CCDC149: variants seen among roughly 807,000 people sequenced by gnomAD.
CCDC149 encodes coiled-coil domain containing 149, also known as coiled-coil domain-containing protein 149.
A neutral mutation model predicts 59.9 loss-of-function variants in CCDC149; 45 were observed. The observed-to-expected ratio is 0.75, with a 90% confidence interval of 0.59 to 0.96. The LOEUF (loss-of-function observed/expected upper bound fraction) is 0.96, where lower values mean the gene tolerates loss of function less well. CCDC149 is among the 40% of genes least tolerant of loss of function. The pLI is 0.00. For missense variants in CCDC149, 584 were observed against 664.7 expected (o/e 0.88, Z 1.33); for synonymous variants, 245 against 260.6 (o/e 0.94, Z 0.58).
chr4:24,852,123 G>A (rs549130640), intron 4 of CCDC149, among the ~76,000 whole-genome samples: 61 of 151,802 alleles, frequency 4.0e-4, no homozygotes, highest in South Asian at 8.4e-4. Context: ...CTCTCTGGAT[G>A]ACCCAGGCAA....
intron 9 of CCDC149, chr4:24,831,135 C>G (rs563747378): frequency 6.1e-6 from 1 of 162,720 alleles, no homozygotes; most frequent in Non-Finnish European, 1.3e-5. Flanking sequence ...AAAAGACCCT[C>G]AAAGTCATGC....
At chr4:24,917,218 G>A (rs1008670161), upstream of CCDC149, among the ~76,000 whole-genome samples, 19 of 152,176 alleles carry the variant, frequency 1.2e-4, no homozygotes, top group Admixed American at 1.3e-4. Flanking sequence ...GTCCTCTCAC[G>A]GCCACCCCTG....
intron 1 of CCDC149, among the ~76,000 whole-genome samples, chr4:24,897,746 G>T (rs1000141588): frequency 1.3e-5 from 2 of 152,176 alleles, no homozygotes; most frequent in Admixed American, 6.5e-5. Context: ...CACGAGTTTG[G>T]ATTTGGGCAT....
chr4:24,970,334 C>T (rs1385820746), intron 1 of CCDC149, among the ~76,000 whole-genome samples: 3 of 152,188 alleles, frequency 2.0e-5, no homozygotes, highest in Non-Finnish European at 2.9e-5. Context: ...CAGACAACTG[C>T]ACATGGCTGG....
chr4:24,843,213 C>T (rs1717046472), intron 4 of CCDC149, among the ~76,000 whole-genome samples: 1 of 152,216 alleles, frequency 6.6e-6, no homozygotes, highest in South Asian at 2.1e-4. Context: ...AATTCTTACA[C>T]AGTAGCTGTC....
At chr4:24,858,712 T>G (rs800477) in intron 3 of CCDC149, among the ~76,000 whole-genome samples, 2 of 152,130 alleles carry the variant, frequency 1.3e-5, no homozygotes, top group African/African-American at 4.8e-5. Context: ...AAGCCAGCCC[T>G]GGGTGTGGGA....
At chr4:24,935,428 T>C (rs1722709583) in intron 1 of CCDC149, among the ~76,000 whole-genome samples, 1 of 152,212 alleles carries the variant, frequency 6.6e-6, no homozygotes, top group Non-Finnish European at 1.5e-5. Context: ...TATACTGCGA[T>C]CTGAATGCTT....
intron 1 of CCDC149, among the ~76,000 whole-genome samples, chr4:24,930,205 C>G (rs1722549057): frequency 6.6e-6 from 1 of 152,198 alleles, no homozygotes; most frequent in Non-Finnish European, 1.5e-5. Flanking sequence ...CATGACCTTC[C>G]ATTTCCTTTC....
chr4:24,953,967 A>G (rs1420965341), intron 1 of CCDC149, among the ~76,000 whole-genome samples: 1 of 152,072 alleles, frequency 6.6e-6, no homozygotes, highest in Non-Finnish European at 1.5e-5. Flanking sequence ...ACTTTAATTT[A>G]GGATGATGAA....
intron 1 of CCDC149, among the ~76,000 whole-genome samples, chr4:24,961,615 C>T (rs545588326): frequency 1.8e-4 from 27 of 152,214 alleles, no homozygotes; most frequent in African/African-American, 6.3e-4. Flanking sequence ...AACAGAGATA[C>T]AGACCAATGG....
intron 4 of CCDC149, among the ~76,000 whole-genome samples, chr4:24,845,401 T>G (rs1717223170): frequency 6.6e-6 from 1 of 152,216 alleles, no homozygotes; most frequent in Non-Finnish European, 1.5e-5. Context: ...CCCCTTATCC[T>G]GCTTTAGTTT....
chr4:24,928,397 G>A (rs2109340370), intron 1 of CCDC149, among the ~76,000 whole-genome samples: 1 of 152,342 alleles, frequency 6.6e-6, no homozygotes, highest in Admixed American at 6.5e-5. Context: ...GTGAGGGAAA[G>A]TGGGCACAAG....
At position 24,808,254 on chromosome 4, in the gene CCDC149, A is replaced by C; in HGVS notation, c.*135T>G. The C allele has an allele frequency of 1.4e-6, 1 of 693,894 alleles. No homozygotes were observed. Among genetic ancestry groups the C allele is most frequent in the South Asian group, 3.4e-5 (1 of 29,122 alleles). The allele number at this position is 693,894 out of a possible 1,614,324, so 43.0% of individuals were successfully genotyped here. On this transcript the variant is annotated 3_prime_UTR_variant, in exon 13 of 13. Coordinates refer to ENST00000635206, the MANE Select transcript of CCDC149 (RefSeq NM_001330643.2). Reference sequence around the variant, plus strand: ...CATCAGAATATTCACAGTTTGCAACAGGATCAGTGCGTTTTCTCACTTGCA... The same window carrying C: ...CATCAGAATATTCACAGTTTGCAACCGGATCAGTGCGTTTTCTCACTTGCA...
At chr4:24,975,702 C>G (rs555042090) in intron 1 of CCDC149, among the ~76,000 whole-genome samples, 1 of 152,088 alleles carries the variant, frequency 6.6e-6, no homozygotes, top group Admixed American at 6.5e-5. Flanking sequence ...CGTGTCCACC[C>G]CTGCAACCAT....
At chr4:24,927,106 A>T (rs959507251) in intron 1 of CCDC149, among the ~76,000 whole-genome samples, 2 of 152,190 alleles carry the variant, frequency 1.3e-5, no homozygotes, top group Admixed American at 6.5e-5. Context: ...GAGAACACAG[A>T]CTTCTCTTGA....
At chr4:24,976,470 T>C (rs1577518620) in intron 1 of CCDC149, among the ~76,000 whole-genome samples, 1 of 152,162 alleles carries the variant, frequency 6.6e-6, no homozygotes. Context: ...CTCAGCACTT[T>C]GGGAGGCTGA....
chr4:24,912,615 G>T (rs547431816), intron 1 of CCDC149, among the ~76,000 whole-genome samples: 1 of 152,260 alleles, frequency 6.6e-6, no homozygotes, highest in African/African-American at 2.4e-5. Flanking sequence ...CAGATGGCGC[G>T]GAAGAAAGTG....
chr4:24,847,256 G>A (rs558822814), intron 4 of CCDC149, among the ~76,000 whole-genome samples: 10 of 152,258 alleles, frequency 6.6e-5, no homozygotes, highest in African/African-American at 1.9e-4. Flanking sequence ...CAATATGGGC[G>A]CATGTTATGC....
chr4:24,812,882 C>T (rs55842404), intron 12 of CCDC149, among the ~76,000 whole-genome samples: 3,959 of 152,200 alleles, frequency 0.026, 130 homozygotes, highest in East Asian at 0.16. Context: ...GGAAACCACC[C>T]CCATGATTCA....
Sources: gnomAD v4.1 joint callset for allele counts (sites outside exome capture counted in the v4.1 genomes callset) on GRCh38, gnomAD v4.1.1 for gene constraint, MANE v1.5 for transcripts, NCBI Gene and HGNC (gene_info 2026-07-23, HGNC 2026-07-21) for gene names.